The following CLCN7 variants were observed in gnomAD, a reference collection of about 807,000 sequenced individuals.
CLCN7 encodes the protein Cl-/H+ antiporter 7, also known as H(+)/Cl(-) exchange transporter 7.
A neutral mutation model predicts 102.1 loss-of-function variants in CLCN7; 60 were observed. The ratio of observed to expected loss-of-function variants is 0.59; its 90% CI spans 0.48 to 0.73. The LOEUF is 0.73. CLCN7 is among the 30% of genes least tolerant of loss of function. The pLI, the probability that CLCN7 is intolerant of heterozygous loss-of-function variation, is 0.00. For missense variants in CLCN7, 962 were observed against 1,125.7 expected (o/e 0.85, Z 2.08); for synonymous variants, 560 against 490.5 (o/e 1.14, Z -1.87).
intron 2 of CLCN7, 109 bp from the exon 3 acceptor site, chr16:1,461,783 G>A: frequency 1.1e-6 from 1 of 934,718 alleles, no homozygotes; most frequent in Non-Finnish European, 1.7e-6. Flanking sequence ...CAAGGACAAG[G>A]ACACAGCAAG....
At chr16:1,446,912 T>C in intron 24 of CLCN7, 94 bp downstream of exon 24, 1 of 1,273,836 alleles carries the variant, frequency 7.9e-7, no homozygotes. Context: ...GTCCTGTGCT[T>C]CCGTGTCCCC....
chr16:1,459,321 CAA>C (rs570237198), intron 6 of CLCN7, 134 bp from the exon 7 acceptor site: 10,010 of 590,086 alleles, frequency 0.017, 84 homozygotes, highest in Middle Eastern at 0.026. Context: ...GCTCAGCACA[CAA>C]ACGTCGGGGC....
Position 1,460,960 on chromosome 16 carries a change from G to A in CLCN7, c.352-12C>T, listed in dbSNP as rs752010539. 17 of 1,611,982 alleles carry A rather than the reference G, an allele frequency of 1.1e-5. No individual in the cohort carries two copies. In the East Asian group the frequency reaches 1.8e-4, roughly 17 times the overall value. The stretch of plus-strand genomic sequence containing the variant: ...ACCGTCCGGAAGGCCTGCAGGGCGC[G>A]GTCAGGGCGAGGGTCAGGCAGGGCC... On this transcript the variant is annotated splice_polypyrimidine_tract_variant and intron_variant, in intron 4 of 24. Coordinates refer to ENST00000382745, the MANE Select transcript of CLCN7 (RefSeq NM_001287.6).
Position 1,455,113 on chromosome 16 carries a change from G to A in CLCN7, c.1098+21C>T, listed in dbSNP as rs1384360078. On this transcript the variant is annotated intron_variant, in intron 12 of 24. Coordinates refer to ENST00000382745, the MANE Select transcript of CLCN7 (RefSeq NM_001287.6). ...TGGACCAGGATACGAGGTGGGCGAGGTGGGCGATGGGGCAGGTTACCTCCG... is the reference window on the plus strand; with the variant it reads ...TGGACCAGGATACGAGGTGGGCGAGATGGGCGATGGGGCAGGTTACCTCCG... 2.2e-6 allele frequency: 3 copies of A among 1,391,602 alleles called. No individual in the cohort carries two copies. In the Admixed American group the frequency reaches 5.0e-5, roughly 23 times the overall value. The allele number at this position is 1,391,602 out of a possible 1,614,324, so 86.2% of individuals were successfully genotyped here.
chr16:1,460,665 G>T, intron 5 of CLCN7, 138 bp from the exon 6 acceptor site: 1 of 1,324,304 alleles, frequency 7.6e-7, no homozygotes, highest in Non-Finnish European at 1.1e-6. Context: ...TCCCAGAGAC[G>T]TCTCACGGCC....
intron 17 of CLCN7, 174 bp from the exon 18 acceptor site, chr16:1,449,501 T>A: frequency 1.5e-6 from 1 of 646,896 alleles, no homozygotes; most frequent in East Asian, 2.7e-5. Flanking sequence ...CTGCGGAGGC[T>A]GCATCCTTGG....
In CLCN7 at chr16:1,474,320, C is replaced by A. The variant is rs1007300215; in HGVS notation, c.141+514G>T. 1.5e-4 allele frequency: 62 copies of A among 402,018 alleles called. No homozygotes were observed. In the Admixed American group the frequency reaches 1.8e-3, roughly 12 times the overall value. 24.9% of individuals were successfully genotyped at this position (402,018 alleles called of 1,614,324 possible). On this transcript the variant is annotated intron_variant, in intron 1 of 24. Transcript: ENST00000382745. ...AGATCACCTGAAAGTCGGGACTGAT[C>A]CCCACACAGAAAGATGGCAGATAAA...
At chr16:1,463,827 T>C (rs8050227) in intron 2 of CLCN7, among the ~76,000 whole-genome samples, 1,651 of 151,674 alleles carry the variant, frequency 0.011, 35 homozygotes, top group African/African-American at 0.038. Context: ...CAGGCTGAAG[T>C]GCAGTGGCAC....
intron 17 of CLCN7, 84 bp downstream of exon 17, chr16:1,450,413 C>T (rs2038725983): frequency 4.5e-6 from 6 of 1,332,460 alleles, no homozygotes; most frequent in Non-Finnish European, 6.2e-6. Flanking sequence ...TTTGTCCTGC[C>T]CTGGGACTTC....
chr16:1,466,065 A>G (rs1428521549), intron 1 of CLCN7, among the ~76,000 whole-genome samples: 1 of 152,176 alleles, frequency 6.6e-6, no homozygotes, highest in African/African-American at 2.4e-5. Context: ...AATTTCCACT[A>G]TCTCCTGAAT....
chr16:1,468,738 T>A (rs1596229993), intron 1 of CLCN7, among the ~76,000 whole-genome samples: 1 of 128,272 alleles, frequency 7.8e-6, no homozygotes, highest in Non-Finnish European at 1.7e-5. Flanking sequence ...TGCACCCCCT[T>A]CCTGGTGCTT....
intron 15 of CLCN7, 82 bp from the exon 16 acceptor site, chr16:1,451,798 G>A: frequency 7.9e-6 from 9 of 1,137,914 alleles, no homozygotes; most frequent in Non-Finnish European, 1.2e-5. Flanking sequence ...CGCCGTGAGA[G>A]GCCGTGTACC....
At chr16:1,454,708 CG>C (rs1300164047) in intron 12 of CLCN7, among the ~76,000 whole-genome samples, 1 of 152,198 alleles carries the variant, frequency 6.6e-6, no homozygotes, top group Admixed American at 6.5e-5. Context: ...GCACCCGGGG[CG>C]GGGAGGGCCC....
rs569495063 is a variant in CLCN7, at chr16:1,457,422, C to A, written c.739-85G>T. The A allele has an allele frequency of 3.5e-6, 4 of 1,154,840 alleles. No homozygotes were observed. Among genetic ancestry groups the A allele is most frequent in the Non-Finnish European group, 5.0e-6 (4 of 801,276 alleles). 71.5% of individuals were successfully genotyped at this position (1,154,840 alleles called of 1,614,324 possible). On this transcript the variant is annotated intron_variant, in intron 8 of 24. Coordinates refer to ENST00000382745, the MANE Select transcript of CLCN7 (RefSeq NM_001287.6). The surrounding 1 kb of genome is among the most constrained non-coding windows in gnomAD (Gnocchi z 5.4). ...AGAAGGACCGATGCTCAGAGACACG[C>A]GTGACGCGGCCCTTCCTGGAGACCA... is the stretch of plus-strand genomic sequence containing the variant.
Position 1,457,860 on chromosome 16 carries a change from G to A in CLCN7, c.676-104C>T. On this transcript the variant is annotated intron_variant, in intron 7 of 24. Coordinates refer to ENST00000382745, the MANE Select transcript of CLCN7 (RefSeq NM_001287.6). This position sits in a 1 kb window ranked among gnomAD's most constrained non-coding sequence, Gnocchi z 5.4. ...CAGCCCCGATCAGGCAGAGTGGCTG[G>A]GACACGGGGCCTCCGGGAGGGGGCC... is the stretch of plus-strand genomic sequence containing the variant. 8.5e-7 allele frequency: 1 copy of A among 1,176,056 alleles called. No homozygotes were observed. The highest frequency in any genetic ancestry group is 1.2e-5 in the South Asian group (1 of 80,760). 72.9% of individuals were successfully genotyped at this position (1,176,056 alleles called of 1,614,324 possible).
chr16:1,451,740 C>G, intron 15 of CLCN7, 24 bp from the exon 16 acceptor site: 1 of 1,596,564 alleles, frequency 6.3e-7, no homozygotes, highest in South Asian at 1.1e-5. Context: ...AGAGAGCACA[C>G]GTTGGGAGGG....
chr16:1,446,070 C>G lies in CLCN7; in HGVS notation c.*561G>C. 1 of 585,750 alleles carries G rather than the reference C, an allele frequency of 1.7e-6. No homozygotes were observed. The highest frequency in any genetic ancestry group is 3.0e-6 in the Non-Finnish European group (1 of 330,688). The allele number at this position is 585,750 out of a possible 1,614,324, so 36.3% of individuals were successfully genotyped here. On this transcript the variant is annotated 3_prime_UTR_variant, in exon 25 of 25. Transcript: ENST00000382745. ...GCTCCTCTGTGGCGCCAGTGTGAAG[C>G]TGCTCTCCGGGGCGGTCGCAGCCTC... is the stretch of plus-strand genomic sequence containing the variant.
chr16:1,449,386 T>C (rs1180946366), intron 17 of CLCN7, 59 bp from the exon 18 acceptor site: 135 of 1,518,130 alleles, frequency 8.9e-5, no homozygotes, highest in Non-Finnish European at 1.2e-4. Flanking sequence ...CCCACCAAGA[T>C]ACACAGACGG....
At chr16:1,462,495 C>G (rs1413610343) in intron 2 of CLCN7, among the ~76,000 whole-genome samples, 1 of 150,050 alleles carries the variant, frequency 6.7e-6, no homozygotes, top group African/African-American at 2.5e-5. Context: ...CCTGCCTCAG[C>G]CTCCCAAGTA....
Sources: gnomAD v4.1 joint callset for allele counts (sites outside exome capture counted in the v4.1 genomes callset) on GRCh38, gnomAD v4.1.1 for gene constraint, Gnocchi (gnomAD v3.1) non-coding constraint, MANE v1.5 for transcripts, NCBI Gene and HGNC (gene_info 2026-07-23, HGNC 2026-07-21) for gene names.